GREB1L: variants seen among roughly 807,000 people sequenced by gnomAD.
The protein encoded by GREB1L is GREB1 like retinoic acid receptor coactivator.
In GREB1L, 17 loss-of-function variants were observed where a neutral mutation model predicts 200.8. That is an observed-to-expected ratio of 0.08 (90% CI 0.06 to 0.13). The LOEUF (loss-of-function observed/expected upper bound fraction) is 0.13. GREB1L is among the 10% of genes least tolerant of loss of function. The probability of loss-of-function intolerance (pLI) is 1.00; values close to 1 mark genes in which losing one functional copy is unlikely to be tolerated. For synonymous variants in GREB1L, 789 were observed against 893.0 expected, an observed-to-expected ratio of 0.88 and a Z score of 2.08; for missense variants, 1,657 against 2,367.7, an observed-to-expected ratio of 0.70 and a Z score of 6.23.
chr18:21,428,720 T>A (rs1387557301), intron 7 of GREB1L, among the ~76,000 whole-genome samples: 2 of 138,668 alleles, frequency 1.4e-5, no homozygotes, highest in African/African-American at 2.7e-5. Flanking sequence ...CTTTTTTTTT[T>A]TTTTTTTTTT....
intron 2 of GREB1L, among the ~76,000 whole-genome samples, chr18:21,373,763 G>A (rs1210111239): frequency 6.6e-6 from 1 of 152,220 alleles, no homozygotes; most frequent in African/African-American, 2.4e-5. Flanking sequence ...TCTTTTTGAA[G>A]TACAGAAAGA....
chr18:21,429,365 C>T (rs2032966634), intron 7 of GREB1L, among the ~76,000 whole-genome samples: 1 of 140,148 alleles, frequency 7.1e-6, no homozygotes, highest in Admixed American at 7.7e-5. Context: ...CTTTTTGAGA[C>T]AGGGTCTTGT....
At chr18:21,496,431 A>T in intron 20 of GREB1L, 23 bp from the exon 21 acceptor site, 1 of 1,551,348 alleles carries the variant, frequency 6.4e-7, no homozygotes, top group Non-Finnish European at 8.7e-7. Flanking sequence ...AGACTCACCA[A>T]CAACACAATT....
chr18:21,334,528 A>G (rs1319335417), intron 1 of GREB1L, among the ~76,000 whole-genome samples: 3 of 152,132 alleles, frequency 2.0e-5, no homozygotes, highest in Non-Finnish European at 4.4e-5. Flanking sequence ...GGATAAAAAA[A>G]TCACCCCATT....
Position 21,500,553 on chromosome 18 carries a change from G to T in GREB1L, c.3983G>T (p.Gly1328Val), listed in dbSNP as rs1176010371. 4 of 1,549,698 alleles carry T rather than the reference G, an allele frequency of 2.6e-6. No homozygotes were observed. Among genetic ancestry groups the T allele is most frequent in the Non-Finnish European group, 3.5e-6 (4 of 1,145,854 alleles). Residue 1328 changes from glycine (G) to valine (V), a missense_variant, in exon 23 of 33, where the codon GGC becomes GTC. Coordinates refer to ENST00000424526, the MANE Select transcript of GREB1L (RefSeq NM_001142966.3). ...TCTTTCCATTAGGTGGGAAAGACGG[G>T]CTCCTATTTACAGTTCCTCAGGATC... ...LTGPPQVGKT[G>V]SYLQFLRILF...
chr18:21,253,828 CTTT>C (rs34861643), intron 1 of GREB1L, among the ~76,000 whole-genome samples: 2 of 115,836 alleles, frequency 1.7e-5, no homozygotes, highest in African/African-American at 3.5e-5. Context: ...GACTTCCAGG[CTTT>C]TTTTTTTTTT....
chr18:21,522,506 A>AAAACT (rs1402834402), intron 32 of GREB1L, among the ~76,000 whole-genome samples, 152 bp from the exon 33 acceptor site: 1 of 152,304 alleles, frequency 6.6e-6, no homozygotes, highest in East Asian at 1.9e-4. Context: ...CTGAATTTGC[A>AAAACT]AAACTACTTA....
chr18:21,343,846 C>T (rs1259358048), intron 1 of GREB1L, among the ~76,000 whole-genome samples: 1 of 151,786 alleles, frequency 6.6e-6, no homozygotes, highest in African/African-American at 2.4e-5. Context: ...AGTGATTCCC[C>T]CACCTCAGCC....
chr18:21,266,521 G>C (rs2037970205), intron 1 of GREB1L, among the ~76,000 whole-genome samples: 1 of 152,292 alleles, frequency 6.6e-6, no homozygotes, highest in East Asian at 1.9e-4. Flanking sequence ...GAGACAAGTG[G>C]ACATGCTGAG....
intron 1 of GREB1L, among the ~76,000 whole-genome samples, chr18:21,356,517 G>C (rs1230648349): frequency 6.6e-6 from 1 of 152,106 alleles, no homozygotes; most frequent in Non-Finnish European, 1.5e-5. Flanking sequence ...TCTTTTTAAA[G>C]ACTGAATAGT....
chr18:21,385,426 C>G (rs1464974528), intron 4 of GREB1L, among the ~76,000 whole-genome samples: 2 of 141,728 alleles, frequency 1.4e-5, no homozygotes, highest in Non-Finnish European at 3.0e-5. Context: ...AATCCCCTAC[C>G]TAGGAGATGA....
At chr18:21,464,639 T>G (rs1465634647) in intron 15 of GREB1L, among the ~76,000 whole-genome samples, 3 of 151,440 alleles carry the variant, frequency 2.0e-5, no homozygotes, top group Admixed American at 2.0e-4. Context: ...GAAAGGTATC[T>G]CTACAATGGA....
intron 15 of GREB1L, among the ~76,000 whole-genome samples, chr18:21,471,335 A>G (rs1280747589): frequency 1.3e-5 from 2 of 152,220 alleles, no homozygotes. Flanking sequence ...TGCAACTGGT[A>G]CTACACTCCC....
intron 1 of GREB1L, among the ~76,000 whole-genome samples, chr18:21,341,050 A>G (rs2039262672): frequency 6.6e-6 from 1 of 152,218 alleles, no homozygotes; most frequent in Non-Finnish European, 1.5e-5. Flanking sequence ...GCCTCAAGCT[A>G]CATGATTATG....
At chr18:21,319,207 G>A (rs1325033972) in intron 1 of GREB1L, among the ~76,000 whole-genome samples, 2 of 152,132 alleles carry the variant, frequency 1.3e-5, no homozygotes, top group African/African-American at 2.4e-5. Context: ...CAAATCTCAC[G>A]CCAACCTCTT....
chr18:21,342,281 C>T (rs1024630361), intron 1 of GREB1L, among the ~76,000 whole-genome samples: 35 of 152,174 alleles, frequency 2.3e-4, no homozygotes, highest in African/African-American at 8.4e-4. Flanking sequence ...GCCACTGTGT[C>T]TGGTTGGTGA....
At chr18:21,420,101 G>A (rs567543259) in intron 7 of GREB1L, among the ~76,000 whole-genome samples, 3 of 152,098 alleles carry the variant, frequency 2.0e-5, no homozygotes, top group Non-Finnish European at 2.9e-5. Flanking sequence ...AGACGGGCGC[G>A]GTGGCTCACG....
rs540497332 is a variant in GREB1L at position 21,412,586 on chromosome 18, G to A, written c.832+8592G>A. Among the ~76,000 whole-genome samples the A allele has an allele frequency of 3.3e-5, 5 of 152,160 alleles. No individual in the cohort carries two copies. In the East Asian group the frequency reaches 9.7e-4, roughly 29 times the overall value. ...TTCATTTCTATTACATTAAAGAAAG[G>A]GCAAAACTAAACTATTTGAGGAATG... is the stretch of plus-strand genomic sequence containing the variant. On this transcript the variant is annotated intron_variant, in intron 7 of 32. Transcript: ENST00000424526.
At chr18:21,325,835 A>C (rs1382580513) in intron 1 of GREB1L, among the ~76,000 whole-genome samples, 1 of 138,732 alleles carries the variant, frequency 7.2e-6, no homozygotes, top group Non-Finnish European at 1.5e-5. Flanking sequence ...AAAAAAAAAA[A>C]AAAAAAAGTC....
Sources: gnomAD v4.1 joint callset for allele counts (sites outside exome capture counted in the v4.1 genomes callset) on GRCh38, gnomAD v4.1.1 for gene constraint, MANE v1.5 for transcripts, NCBI Gene and HGNC (gene_info 2026-07-23, HGNC 2026-07-21) for gene names.